TEX11: variants seen among roughly 807,000 people sequenced by gnomAD.
TEX11 encodes testis-expressed protein 11.
TEX11 carries 7 observed loss-of-function variants against 84.4 expected under a neutral mutation model. That is an observed-to-expected ratio of 0.08 (90% confidence interval 0.05 to 0.16). The LOEUF is 0.16. Ranked by LOEUF, TEX11 falls within the 10% of genes least tolerant of loss-of-function variation. The pLI, the probability that TEX11 is intolerant of heterozygous loss-of-function variation, is 1.00. For missense variants in TEX11, 551 were observed against 660.5 expected (o/e 0.83, Z 1.82); for synonymous variants, 264 against 222.8 (o/e 1.18, Z -1.64).
At position 70,694,598 on chromosome X, in the gene TEX11, T is replaced by C. The variant is rs777426673; in HGVS notation, c.1005-11773A>G. Reference sequence around the variant, plus strand: ...AACTGAAACTCTCAAACACTGCTGGTAGGAATGTTAAATGAATGTTGTAAC... The same window carrying C: ...AACTGAAACTCTCAAACACTGCTGGCAGGAATGTTAAATGAATGTTGTAAC... On this transcript the variant is annotated intron_variant, in intron 13 of 29. Transcript: ENST00000374333. Among the ~76,000 whole-genome samples the C allele has an allele frequency of 8.9e-5, 10 of 112,096 alleles. No homozygotes were observed. The East Asian group carries it at 2.2e-3, about 25-fold the overall frequency.
intron 2 of TEX11, among the ~76,000 whole-genome samples, chrX:70,906,053 CAAAAAAAAAAAAAAAAAAA>C (rs1160534078): frequency 4.2e-4 from 4 of 9,574 alleles, no homozygotes; most frequent in African/African-American, 1.4e-3. Context: ...AACTCTGTCT[CAAAAAAAAAAAAAAAAAAA>C]AAAAAAAAAA....
intron 7 of TEX11, among the ~76,000 whole-genome samples, chrX:70,837,596 T>C (rs1269483296): frequency 9.4e-6 from 1 of 105,948 alleles, no homozygotes; most frequent in South Asian, 4.3e-4. Context: ...AAGAACAAAC[T>C]ATTAACACAT....
At chrX:70,871,298 C>T (rs944982299) in intron 4 of TEX11, among the ~76,000 whole-genome samples, 7 of 112,252 alleles carry the variant, frequency 6.2e-5, no homozygotes, top group African/African-American at 2.3e-4. Flanking sequence ...TCTTCAACTA[C>T]CACCTCTGTG....
chrX:70,884,121 C>T (rs2091696675), intron 2 of TEX11, among the ~76,000 whole-genome samples: 1 of 112,542 alleles, frequency 8.9e-6, no homozygotes, highest in East Asian at 2.8e-4. Flanking sequence ...TTTTCATATG[C>T]ATTCTCATTT....
chrX:70,799,667 C>T (rs180819285), intron 9 of TEX11, among the ~76,000 whole-genome samples: 8 of 112,018 alleles, frequency 7.1e-5, no homozygotes, highest in East Asian at 2.8e-4. Context: ...TGGGATCATA[C>T]TGGTAAAGCC....
In TEX11 at chrX:70,758,504, T is replaced by G. The variant is rs746524389; in HGVS notation, c.693-14285A>C. On this transcript the variant is annotated intron_variant, in intron 9 of 29. Coordinates refer to ENST00000374333, the MANE Select transcript of TEX11 (RefSeq NM_031276.3). ...ACAACTACATGGAAACTGAACAACCTGCTCCTGAATGACTACTGGGTAAAT... is the reference window on the plus strand; with the variant it reads ...ACAACTACATGGAAACTGAACAACCGGCTCCTGAATGACTACTGGGTAAAT... Among the ~76,000 whole-genome samples, 6 of 112,031 alleles carry G rather than the reference T, an allele frequency of 5.4e-5. No homozygotes were observed. The South Asian group carries it at 2.2e-3, about 42-fold the overall frequency.
intron 5 of TEX11, 107 bp from the exon 6 acceptor site, chrX:70,853,435 T>C (rs778566535): frequency 1.9e-6 from 1 of 534,622 alleles, no homozygotes; most frequent in African/African-American, 2.4e-5. Flanking sequence ...TTCAGTCTTA[T>C]AACTCACAGA....
In TEX11 at chrX:70,740,701, C is replaced by T. The variant is rs2090727571; in HGVS notation, c.843G>A (p.Lys281=). 1.7e-6 allele frequency: 2 copies of T among 1,172,625 alleles called. No homozygotes were observed. The highest frequency in any genetic ancestry group is 4.6e-5 in the Admixed American group (2 of 43,332). The change falls in exon 11 of 30, where the codon AAG becomes AAA. Residue 281 remains lysine (K), a splice_region_variant and synonymous_variant. Transcript: ENST00000374333. The part of the protein sequence containing the change: ...KALNAVNLAN[K]EHLSSPGLFL... ...GTATTCAAAAATACAAGCCCCATACCTTGTTTGCTAGGTTTACAGCATTGA... is the reference window on the plus strand; with the variant it reads ...GTATTCAAAAATACAAGCCCCATACTTTGTTTGCTAGGTTTACAGCATTGA...
chrX:70,658,868 C>A (rs1798691217), intron 16 of TEX11, among the ~76,000 whole-genome samples: 1 of 111,134 alleles, frequency 9.0e-6, no homozygotes, highest in African/African-American at 3.3e-5. Context: ...ACATATAGAC[C>A]AATGGCATAT....
At chrX:70,665,622 T>A (rs999762780) in intron 16 of TEX11, among the ~76,000 whole-genome samples, 7 of 112,063 alleles carry the variant, frequency 6.2e-5, no homozygotes, top group African/African-American at 1.9e-4. Context: ...AAATGATCTA[T>A]AATTGGCATT....
At chrX:70,707,996 C>G (rs1342827957) in intron 13 of TEX11, among the ~76,000 whole-genome samples, 4 of 110,657 alleles carry the variant, frequency 3.6e-5, no homozygotes, top group African/African-American at 9.8e-5. Flanking sequence ...TTAAAATATT[C>G]ACAAACTATG....
chrX:70,716,803 A>T (rs979139604), intron 13 of TEX11, among the ~76,000 whole-genome samples: 1 of 111,128 alleles, frequency 9.0e-6, no homozygotes, highest in African/African-American at 3.3e-5. Flanking sequence ...CCACTATCCA[A>T]CACTCCCCAG....
chrX:70,634,457 T>G (rs1351482436), intron 17 of TEX11, among the ~76,000 whole-genome samples: 1 of 111,944 alleles, frequency 8.9e-6, no homozygotes, highest in East Asian at 2.8e-4. Context: ...ATAGCTACAC[T>G]AATAAAGACA....
intron 28 of TEX11, among the ~76,000 whole-genome samples, chrX:70,544,978 G>A (rs969230743): frequency 7.3e-5 from 8 of 109,853 alleles, no homozygotes; most frequent in Non-Finnish European, 1.5e-4. Context: ...GCTGAAGTGG[G>A]ACAATCACTT....
intron 13 of TEX11, among the ~76,000 whole-genome samples, chrX:70,698,097 A>C (rs2147678469): frequency 9.0e-6 from 1 of 111,497 alleles, no homozygotes; most frequent in African/African-American, 3.2e-5. Flanking sequence ...ATAGTTTGAC[A>C]CAAGCATACA....
chrX:70,731,790 C>G (rs1354243693), intron 11 of TEX11, among the ~76,000 whole-genome samples: 1 of 110,539 alleles, frequency 9.0e-6, no homozygotes, highest in Non-Finnish European at 1.9e-5. Flanking sequence ...AGAATCCTCC[C>G]TAACTCATTT....
chrX:70,717,824 G>A (rs1228501684), intron 13 of TEX11, among the ~76,000 whole-genome samples: 2 of 112,024 alleles, frequency 1.8e-5, no homozygotes, highest in Non-Finnish European at 1.9e-5. Flanking sequence ...AAAATCCACT[G>A]CCAGATATGT....
chrX:70,519,431 A>T, the TEX11 span, among the ~76,000 whole-genome samples: 1 of 112,198 alleles, frequency 8.9e-6, no homozygotes, highest in African/African-American at 3.2e-5. Flanking sequence ...AAGAATGTTG[A>T]ATATTGGCCC....
intron 25 of TEX11, among the ~76,000 whole-genome samples, chrX:70,566,418 C>G (rs1174662497): frequency 6.5e-5 from 7 of 108,502 alleles, no homozygotes; most frequent in Non-Finnish European, 9.6e-5. Flanking sequence ...CCTGATTGCC[C>G]TGGCCAGAAC....
Sources: gnomAD v4.1 joint callset for allele counts (sites outside exome capture counted in the v4.1 genomes callset) on GRCh38, gnomAD v4.1.1 for gene constraint, MANE v1.5 for transcripts, NCBI Gene and HGNC (gene_info 2026-07-23, HGNC 2026-07-21) for gene names.